The following LAMA2 variants were observed in gnomAD, a reference collection of about 807,000 sequenced individuals.
LAMA2 encodes laminin subunit alpha 2, also known as laminin subunit alpha-2.
Under a neutral mutation model 364.8 loss-of-function variants are expected in LAMA2, and 269 were observed. That is an observed-to-expected ratio of 0.74 (90% CI 0.67 to 0.82). The LOEUF (loss-of-function observed/expected upper bound fraction) is 0.82, where lower values mean the gene tolerates loss of function less well. Among genes scored for constraint, LAMA2 ranks in the 40% least tolerant of loss-of-function variants. The pLI is 0.00. For synonymous variants in LAMA2, 1,379 were observed against 1,370.6 expected, an observed-to-expected ratio of 1.01 and a Z score of -0.14; for missense variants, 3,807 against 3,873.2, an observed-to-expected ratio of 0.98 and a Z score of 0.45.
intron 29 of LAMA2, among the ~76,000 whole-genome samples, chr6:129,333,375 A>G (rs1775769841): frequency 6.6e-6 from 1 of 152,164 alleles, no homozygotes; most frequent in African/African-American, 2.4e-5. Context: ...TGGTTAGTAT[A>G]AGAAAAACAT....
chr6:129,440,680 A>G (rs1423998497), intron 42 of LAMA2, 136 bp from the exon 43 acceptor site: 4 of 805,718 alleles, frequency 5.0e-6, no homozygotes, highest in Non-Finnish European at 8.5e-6. Flanking sequence ...CTACACCTGA[A>G]TGAGACAAAG....
At chr6:129,265,694 A>G (rs1183142359) in intron 15 of LAMA2, among the ~76,000 whole-genome samples, 2 of 149,228 alleles carry the variant, frequency 1.3e-5, no homozygotes, top group Non-Finnish European at 3.0e-5. Context: ...GGAGGGGAAC[A>G]TTATACACTG....
intron 1 of LAMA2, among the ~76,000 whole-genome samples, chr6:128,940,861 G>C (rs981031454): frequency 6.6e-6 from 1 of 152,162 alleles, no homozygotes; most frequent in Non-Finnish European, 1.5e-5. Context: ...TGAAGTGGGA[G>C]GATTGCATGA....
At position 129,402,460 on chromosome 6, in the gene LAMA2, T is replaced by G; in HGVS notation, c.5699T>G (p.Leu1900Trp). The change falls in exon 39 of 65, where the codon TTG becomes TGG. Residue 1900 changes from leucine (L) to tryptophan (W), a missense_variant. Coordinates refer to ENST00000421865, the MANE Select transcript of LAMA2 (RefSeq NM_000426.4). ...VSQAESHAAQ[L>W]NDSSAVLDGI... ...CAGGCTGAGAGCCACGCAGCTCAGT[T>G]GAATGACTCATCTGCTGTCCTTGAT... is the stretch of plus-strand genomic sequence containing the variant. 6.2e-7 allele frequency: 1 copy of G among 1,614,162 alleles called. No individual in the cohort carries two copies. The highest frequency in any genetic ancestry group is 8.5e-7 in the Non-Finnish European group (1 of 1,180,028).
chr6:129,016,995 G>A (rs1057110811), intron 1 of LAMA2, among the ~76,000 whole-genome samples: 6 of 151,854 alleles, frequency 4.0e-5, no homozygotes, highest in African/African-American at 1.2e-4. Flanking sequence ...TGTTCAAATC[G>A]TATATACAGC....
intron 1 of LAMA2, among the ~76,000 whole-genome samples, chr6:129,043,503 AC>A: frequency 6.6e-6 from 1 of 151,964 alleles, no homozygotes; most frequent in African/African-American, 2.4e-5. Flanking sequence ...TTTTGTTGTT[AC>A]CATTTCTTTT....
At chr6:128,940,857 G>A (rs1177084117) in intron 1 of LAMA2, among the ~76,000 whole-genome samples, 1 of 152,136 alleles carries the variant, frequency 6.6e-6, no homozygotes, top group Non-Finnish European at 1.5e-5. Context: ...AGGCTGAAGT[G>A]GGAGGATTGC....
chr6:129,107,903 A>T (rs908877845), intron 4 of LAMA2, among the ~76,000 whole-genome samples: 1 of 152,128 alleles, frequency 6.6e-6, no homozygotes, highest in African/African-American at 2.4e-5. Flanking sequence ...CTGCCCTATA[A>T]GCTCAGGAGT....
intron 28 of LAMA2, among the ~76,000 whole-genome samples, chr6:129,322,174 A>G (rs541594103): frequency 1.3e-5 from 2 of 152,330 alleles, no homozygotes; most frequent in South Asian, 4.1e-4. Context: ...GAAGGGCAAT[A>G]TTTATTTACA....
intron 3 of LAMA2, among the ~76,000 whole-genome samples, chr6:129,084,438 AT>A (rs1774253382): frequency 6.6e-6 from 1 of 151,628 alleles, no homozygotes; most frequent in Non-Finnish European, 1.5e-5. Flanking sequence ...AATGTTGTTC[AT>A]GTCAAGAATA....
chr6:129,496,089 A>G (rs1169179747), intron 58 of LAMA2, among the ~76,000 whole-genome samples: 1 of 152,180 alleles, frequency 6.6e-6, no homozygotes, highest in Non-Finnish European at 1.5e-5. Flanking sequence ...AGGGGGTTAC[A>G]CACATGAGCG....
chr6:129,062,551 C>G (rs184774012), intron 3 of LAMA2, among the ~76,000 whole-genome samples: 1 of 152,124 alleles, frequency 6.6e-6, no homozygotes, highest in Non-Finnish European at 1.5e-5. Flanking sequence ...AAGCAGGGGA[C>G]TAGAACCCTC....
intron 8 of LAMA2, among the ~76,000 whole-genome samples, chr6:129,163,284 G>A (rs1779551403): frequency 6.6e-6 from 1 of 151,800 alleles, no homozygotes; most frequent in Non-Finnish European, 1.5e-5. Flanking sequence ...CCATTCATCT[G>A]TCATTATACT....
At chr6:129,377,504 G>A (rs1194067453) in intron 34 of LAMA2, among the ~76,000 whole-genome samples, 1 of 152,030 alleles carries the variant, frequency 6.6e-6, no homozygotes, top group African/African-American at 2.4e-5. Flanking sequence ...GTCATTCCAC[G>A]GGGTCAGCTG....
chr6:129,306,228 T>G (rs1250204086), intron 22 of LAMA2, among the ~76,000 whole-genome samples: 2 of 151,598 alleles, frequency 1.3e-5, no homozygotes, highest in African/African-American at 4.8e-5. Flanking sequence ...TTTCATTTCA[T>G]ATCATTTTTC....
intron 17 of LAMA2, 142 bp from the exon 18 acceptor site, chr6:129,279,919 T>C: frequency 1.4e-6 from 1 of 718,782 alleles, no homozygotes; most frequent in South Asian, 1.5e-5. Flanking sequence ...GGCCAGACCC[T>C]AATCTCTGTC....
chr6:129,208,829 A>G (rs1340861635), intron 12 of LAMA2, among the ~76,000 whole-genome samples: 5 of 152,150 alleles, frequency 3.3e-5, no homozygotes, highest in African/African-American at 1.2e-4. Flanking sequence ...GAAAGGAAAA[A>G]GAATAGGAAG....
chr6:129,025,920 G>A (rs548913971), intron 1 of LAMA2, among the ~76,000 whole-genome samples: 3 of 152,208 alleles, frequency 2.0e-5, no homozygotes, highest in South Asian at 2.1e-4. Flanking sequence ...TACAAACTTA[G>A]TCCATAGAAC....
In LAMA2 at chr6:129,345,139, C is replaced by G. The variant is rs573957945; in HGVS notation, c.4436+2672C>G. Among the ~76,000 whole-genome samples, 6 of 152,190 alleles carry G rather than the reference C, an allele frequency of 3.9e-5. No individual in the cohort carries two copies. The South Asian group carries it at 6.2e-4, about 16-fold the overall frequency. ...CCTGGATCTTCTGGGCCAATGGACC[C>G]CTCATTTCTGAAGGAGTTCCAATGT... On this transcript the variant is annotated intron_variant, in intron 30 of 64. Transcript: ENST00000421865.
Sources: gnomAD v4.1 joint callset for allele counts (sites outside exome capture counted in the v4.1 genomes callset) on GRCh38, gnomAD v4.1.1 for gene constraint, MANE v1.5 for transcripts, NCBI Gene and HGNC (gene_info 2026-07-23, HGNC 2026-07-21) for gene names.